ZC3H12B: variants seen among roughly 807,000 people sequenced by gnomAD.
ZC3H12B encodes zinc finger CCCH-type containing 12B.
In ZC3H12B, 7 loss-of-function variants were observed where a neutral mutation model predicts 43.9. The observed-to-expected ratio is 0.16, with a 90% CI of 0.09 to 0.30. ZC3H12B has a LOEUF of 0.30. Among genes scored for constraint, ZC3H12B ranks in the 10% least tolerant of loss-of-function variants. The pLI, the probability that ZC3H12B is intolerant of heterozygous loss-of-function variation, is 1.00. For missense variants in ZC3H12B, 475 were observed against 670.2 expected (o/e 0.71, Z 3.22); for synonymous variants, 222 against 241.7 (o/e 0.92, Z 0.76).
the ZC3H12B span, among the ~76,000 whole-genome samples, chrX:65,328,818 G>C: frequency 3.8e-5 from 4 of 104,911 alleles, no homozygotes; most frequent in East Asian, 9.3e-4. Context: ...TTGTCCTTGC[G>C]ATAGTTTGCT....
chrX:65,151,693 A>G, the ZC3H12B span, among the ~76,000 whole-genome samples: 1 of 111,759 alleles, frequency 8.9e-6, no homozygotes, highest in South Asian at 3.8e-4. Context: ...AACTATTCCA[A>G]TCAATACAAA....
At chrX:65,164,498 C>G in the ZC3H12B span, among the ~76,000 whole-genome samples, 1 of 111,234 alleles carries the variant, frequency 9.0e-6, no homozygotes, top group South Asian at 3.8e-4. Context: ...AACTTTTTTG[C>G]CCATTTTTTC....
the ZC3H12B span, among the ~76,000 whole-genome samples, chrX:65,227,760 C>T: frequency 2.0e-4 from 22 of 110,889 alleles, no homozygotes; most frequent in South Asian, 1.1e-3. Context: ...AACACCTCTA[C>T]GCAAATAAAC....
chrX:65,158,138 T>C, the ZC3H12B span, among the ~76,000 whole-genome samples: 1 of 109,041 alleles, frequency 9.2e-6, no homozygotes, highest in Non-Finnish European at 1.9e-5. Context: ...TTCCATGGTG[T>C]ATATGTGCCA....
the ZC3H12B span, among the ~76,000 whole-genome samples, chrX:65,346,032 A>C: frequency 9.0e-6 from 1 of 111,666 alleles, no homozygotes; most frequent in Non-Finnish European, 1.9e-5. Context: ...ATATTGTTAA[A>C]ATGCTCATAC....
At chrX:65,340,548 T>A in the ZC3H12B span, among the ~76,000 whole-genome samples, 1 of 111,660 alleles carries the variant, frequency 9.0e-6, no homozygotes, top group African/African-American at 3.3e-5. Flanking sequence ...TAGGGCCCAA[T>A]ACAGGTCTCC....
At chrX:65,237,200 G>T in the ZC3H12B span, among the ~76,000 whole-genome samples, 1 of 111,781 alleles carries the variant, frequency 8.9e-6, no homozygotes, top group Non-Finnish European at 1.9e-5. Flanking sequence ...TCTTCCATTT[G>T]TTTGTGTCCT....
the ZC3H12B span, among the ~76,000 whole-genome samples, chrX:65,200,553 C>T: frequency 9.4e-6 from 1 of 106,732 alleles, no homozygotes; most frequent in Non-Finnish European, 1.9e-5. Flanking sequence ...CTACCTCAGC[C>T]TCCTGAGTAG....
chrX:65,375,929 G>C (rs1181865067), intron 2 of ZC3H12B, among the ~76,000 whole-genome samples: 2 of 111,885 alleles, frequency 1.8e-5, no homozygotes, highest in Non-Finnish European at 3.8e-5. Flanking sequence ...AAGTAAAGGG[G>C]ACTTTGTCTT....
Position 65,374,088 on chromosome X carries a change from TA to T in ZC3H12B, n.295+5091del, listed in dbSNP as rs776515056. On this transcript the variant is annotated intron_variant and non_coding_transcript_variant, in intron 2 of 5. Transcript: ENST00000617377. ...ATACAGTATATATAACTATATATAGTATATATATAACTATATATAGGTTATA... is the reference window on the plus strand; with the variant it reads ...ATACAGTATATATAACTATATATAGTTATATATAACTATATATAGGTTATA... Among the ~76,000 whole-genome samples the T allele has an allele frequency of 4.8e-3, 267 of 55,467 alleles. 9 individuals carry two copies. The highest frequency in any genetic ancestry group is 0.047 in the Admixed American group (201 of 4,282). 48.2% of individuals were successfully genotyped at this position (55,467 alleles called of 115,157 possible).
the ZC3H12B span, among the ~76,000 whole-genome samples, chrX:65,164,455 C>A: frequency 9.0e-6 from 1 of 111,399 alleles, no homozygotes; most frequent in Middle Eastern, 4.6e-3. Flanking sequence ...ACTCTTGTGA[C>A]CTCTGGCTAC....
the ZC3H12B span, among the ~76,000 whole-genome samples, chrX:65,307,021 G>A: frequency 8.9e-6 from 1 of 112,472 alleles, no homozygotes; most frequent in Non-Finnish European, 1.9e-5. Flanking sequence ...GAGGCTGGAA[G>A]AATTAACTAT....
the ZC3H12B span, among the ~76,000 whole-genome samples, chrX:65,234,405 A>G: frequency 8.9e-6 from 1 of 112,024 alleles, no homozygotes; most frequent in Admixed American, 9.5e-5. Context: ...CTAGTATCAT[A>G]CCGAATGGGG....
chrX:65,158,824 G>T, the ZC3H12B span, among the ~76,000 whole-genome samples: 19 of 111,964 alleles, frequency 1.7e-4, no homozygotes, highest in African/African-American at 6.2e-4. Flanking sequence ...TGCTTTTGGT[G>T]TTTTAGACAT....
At chrX:65,245,890 G>A in the ZC3H12B span, among the ~76,000 whole-genome samples, 11 of 109,545 alleles carry the variant, frequency 1.0e-4, no homozygotes, top group Non-Finnish European at 1.7e-4. Flanking sequence ...AAACCTGCAC[G>A]TTGTGCACAT....
At chrX:65,219,332 G>T in the ZC3H12B span, among the ~76,000 whole-genome samples, 3 of 111,709 alleles carry the variant, frequency 2.7e-5, no homozygotes, top group Non-Finnish European at 3.8e-5. Context: ...GCCAAAAAAA[G>T]AATTCAGAAG....
At chrX:65,201,762 T>G in the ZC3H12B span, among the ~76,000 whole-genome samples, 1 of 107,514 alleles carries the variant, frequency 9.3e-6, no homozygotes, top group Non-Finnish European at 1.9e-5. Context: ...AATCTCATCT[T>G]GAATTGTAGT....
the ZC3H12B span, among the ~76,000 whole-genome samples, chrX:65,305,836 A>G: frequency 9.0e-6 from 1 of 111,501 alleles, no homozygotes; most frequent in African/African-American, 3.3e-5. Flanking sequence ...GAACACTATA[A>G]CTACATGAGT....
chrX:65,347,678 C>T, the ZC3H12B span, among the ~76,000 whole-genome samples: 9 of 112,261 alleles, frequency 8.0e-5, no homozygotes, highest in South Asian at 1.1e-3. Context: ...GTCAGTGTGG[C>T]GATTCCTCAA....
Sources: gnomAD v4.1 joint callset for allele counts (sites outside exome capture counted in the v4.1 genomes callset) on GRCh38, gnomAD v4.1.1 for gene constraint, MANE v1.5 for transcripts, NCBI Gene and HGNC (gene_info 2026-07-23, HGNC 2026-07-21) for gene names.